Variants in CELF2 observed in about 807,000 individuals in gnomAD.
The protein encoded by CELF2 is CUGBP Elav-like family member 2.
A neutral mutation model predicts 62.6 loss-of-function variants in CELF2; 8 were observed. The observed-to-expected ratio is 0.13, with a 90% CI of 0.07 to 0.23. The LOEUF is 0.23. CELF2 is among the 10% of genes least tolerant of loss of function. The pLI is 1.00. For missense variants in CELF2, 333 were observed against 671.0 expected, an observed-to-expected ratio of 0.50 and a Z score of 5.56; for synonymous variants, 258 against 250.0, an observed-to-expected ratio of 1.03 and a Z score of -0.30.
At chr10:10,581,272 A>C in the CELF2 span, among the ~76,000 whole-genome samples, 1 of 152,338 alleles carries the variant, frequency 6.6e-6, no homozygotes, top group East Asian at 1.9e-4. Flanking sequence ...TTTAGCTAAA[A>C]TTTCTATATT....
At chr10:11,180,775 A>G (rs566382312) in intron 2 of CELF2, among the ~76,000 whole-genome samples, 1 of 152,352 alleles carries the variant, frequency 6.6e-6, no homozygotes, top group African/African-American at 2.4e-5. Flanking sequence ...AGATTATACT[A>G]CTTATGGTGC....
Position 10,837,348 on chromosome 10 carries a change from G to A in CELF2, c.53+38531G>A, listed in dbSNP as rs142456395. ...ATGTAAGACATGCCTTTCACCTTCC[G>A]CATGATTGTGAGCCCTCCCCAGCCT... On this transcript the variant is annotated intron_variant, in intron 1 of 13. Transcript: ENST00000636488. 2.5e-3 allele frequency among the ~76,000 whole-genome samples: 380 copies of A among 152,158 alleles called. 1 individual carries two copies. The highest frequency in any genetic ancestry group is 8.4e-3 in the African/African-American group (348 of 41,500).
the CELF2 span, among the ~76,000 whole-genome samples, chr10:10,729,017 C>T: frequency 6.6e-6 from 1 of 152,060 alleles, no homozygotes; most frequent in Non-Finnish European, 1.5e-5. Flanking sequence ...ACATGTAAAG[C>T]GCCGGCTGTA....
At chr10:10,672,367 T>C in the CELF2 span, among the ~76,000 whole-genome samples, 1 of 152,210 alleles carries the variant, frequency 6.6e-6, no homozygotes, top group Admixed American at 6.5e-5. Context: ...AGGAGTTATA[T>C]AGTCATCTAG....
At chr10:10,923,988 G>A (rs1342184540) in intron 2 of CELF2, 4 of 151,954 alleles carry the variant, frequency 2.6e-5, no homozygotes, top group South Asian at 2.1e-4. Flanking sequence ...GTTGCGTTTC[G>A]GTAGATGTGT....
chr10:10,521,478 C>T, the CELF2 span, among the ~76,000 whole-genome samples: 1 of 152,198 alleles, frequency 6.6e-6, no homozygotes, highest in Non-Finnish European at 1.5e-5. Flanking sequence ...AGATTAATAG[C>T]TAAAACAGTT....
chr10:10,549,829 A>G, the CELF2 span, among the ~76,000 whole-genome samples: 1 of 152,226 alleles, frequency 6.6e-6, no homozygotes, highest in Non-Finnish European at 1.5e-5. Flanking sequence ...TTTTGAGGTG[A>G]CACAATCCAG....
chr10:11,097,911 C>A (rs905096968), intron 1 of CELF2, among the ~76,000 whole-genome samples: 2 of 152,308 alleles, frequency 1.3e-5, no homozygotes, highest in Middle Eastern at 3.4e-3. Context: ...GGGGTTTAAC[C>A]CATGCGGCCA....
At chr10:11,045,208 G>A (rs2062597781) in intron 1 of CELF2, among the ~76,000 whole-genome samples, 1 of 152,250 alleles carries the variant, frequency 6.6e-6, no homozygotes, top group East Asian at 1.9e-4. Flanking sequence ...GAGTGCAGTG[G>A]CATGATAATG....
At chr10:11,289,168 G>T (rs1427141540) in intron 9 of CELF2, among the ~76,000 whole-genome samples, 4 of 152,076 alleles carry the variant, frequency 2.6e-5, no homozygotes, top group African/African-American at 9.7e-5. Context: ...ACCGTGATTT[G>T]AGGTTTTGTT....
chr10:10,665,209 G>A, the CELF2 span, among the ~76,000 whole-genome samples: 6 of 152,094 alleles, frequency 3.9e-5, no homozygotes, highest in African/African-American at 9.7e-5. Flanking sequence ...TGTGTTCCTA[G>A]GGTCAAAGAG....
At chr10:10,678,163 T>C in the CELF2 span, among the ~76,000 whole-genome samples, 3 of 152,178 alleles carry the variant, frequency 2.0e-5, no homozygotes, top group Non-Finnish European at 2.9e-5. Flanking sequence ...AATTACTTTA[T>C]AGGAGATACT....
rs903499521 is a variant in CELF2 at position 11,144,204 on chromosome 10, C to T, written c.75-21282C>T. On this transcript the variant is annotated intron_variant, in intron 1 of 12. Transcript: ENST00000633077. ...CATTTACAACTTACTCTCGCTAATG[C>T]GTGGCAAGGTCAGAAAAGCAGCAGG... Among the ~76,000 whole-genome samples, 4 of 152,092 alleles carry T rather than the reference C, an allele frequency of 2.6e-5. 1 individual carries two copies. In the East Asian group the frequency reaches 7.7e-4, roughly 29 times the overall value.
intron 5 of CELF2, among the ~76,000 whole-genome samples, chr10:11,261,560 C>A (rs2080600094): frequency 6.6e-6 from 1 of 152,178 alleles, no homozygotes; most frequent in Admixed American, 6.5e-5. Flanking sequence ...GTGGAAAGCA[C>A]CTAACACCTG....
chr10:10,669,696 A>T, the CELF2 span, among the ~76,000 whole-genome samples: 1 of 152,160 alleles, frequency 6.6e-6, no homozygotes, highest in Non-Finnish European at 1.5e-5. Context: ...AGTCATTTTC[A>T]CAATACATCC....
chr10:11,182,945 A>G (rs1430014932), intron 2 of CELF2, among the ~76,000 whole-genome samples: 1 of 152,196 alleles, frequency 6.6e-6, no homozygotes, highest in African/African-American at 2.4e-5. Context: ...CACCTAGAAT[A>G]TCAAAGGGTC....
At chr10:10,704,842 C>T in the CELF2 span, among the ~76,000 whole-genome samples, 1 of 152,044 alleles carries the variant, frequency 6.6e-6, no homozygotes. Context: ...AGAATGCTCA[C>T]CCACCCCATC....
intron 11 of CELF2, among the ~76,000 whole-genome samples, chr10:11,323,036 A>G (rs2095526980): frequency 6.6e-6 from 1 of 152,114 alleles, no homozygotes; most frequent in Admixed American, 6.5e-5. Context: ...AGTAAACTCT[A>G]GAGCAGTTTA....
intron 11 of CELF2, among the ~76,000 whole-genome samples, chr10:11,322,125 C>G (rs2095473494): frequency 6.6e-6 from 1 of 152,236 alleles, no homozygotes; most frequent in African/African-American, 2.4e-5. Context: ...TGGATGGCCA[C>G]AGGCTTCTGT....
Sources: allele counts gnomAD v4.1 joint callset (sites outside exome capture counted in the v4.1 genomes callset), GRCh38; gene constraint gnomAD v4.1.1; transcripts MANE v1.5; gene names NCBI Gene and HGNC (gene_info 2026-07-23, HGNC 2026-07-21).